Variants in GRID1 observed in about 807,000 individuals in gnomAD.
GRID1 encodes the protein glutamate ionotropic receptor delta type subunit 1.
In GRID1, 28 loss-of-function variants were observed where a neutral mutation model predicts 98.0. That is an observed-to-expected ratio of 0.29 (90% CI 0.21 to 0.39). The LOEUF is 0.39. GRID1 is among the 10% of genes least tolerant of loss of function. GRID1 has a pLI of 1.00. For missense variants in GRID1, 1,111 were observed against 1,340.5 expected (o/e 0.83, Z 2.67); for synonymous variants, 553 against 538.5 (o/e 1.03, Z -0.37).
intron 2 of GRID1, among the ~76,000 whole-genome samples, chr10:86,284,946 T>A (rs986084086): frequency 6.6e-5 from 10 of 151,888 alleles, no homozygotes; most frequent in Non-Finnish European, 1.3e-4. Flanking sequence ...CGAGCCTCCA[T>A]GTCAAGACCT....
chr10:86,153,052 C>A (rs749272995), intron 3 of GRID1, among the ~76,000 whole-genome samples: 6 of 152,224 alleles, frequency 3.9e-5, no homozygotes, highest in South Asian at 4.1e-4. Context: ...CACCACCCCT[C>A]ATTGTGGGCC....
intron 4 of GRID1, among the ~76,000 whole-genome samples, chr10:86,053,872 TCA>T (rs943519827): frequency 3.3e-5 from 5 of 152,056 alleles, no homozygotes; most frequent in African/African-American, 7.2e-5. Flanking sequence ...AAGCACATGC[TCA>T]CACACGTGTG....
chr10:85,769,866 C>A (rs1393564325), intron 8 of GRID1, among the ~76,000 whole-genome samples: 2 of 152,238 alleles, frequency 1.3e-5, no homozygotes, highest in South Asian at 4.1e-4. Context: ...GGAGGCCTGC[C>A]TGCCTCTGTA....
chr10:86,320,219 A>G (rs1293948134), intron 2 of GRID1, among the ~76,000 whole-genome samples: 1 of 152,254 alleles, frequency 6.6e-6, no homozygotes, highest in Non-Finnish European at 1.5e-5. Flanking sequence ...TAAGCGAATG[A>G]GGATGGCAGA....
intron 12 of GRID1, among the ~76,000 whole-genome samples, chr10:85,668,563 T>C (rs1437428757): frequency 1.3e-5 from 2 of 152,128 alleles, no homozygotes; most frequent in Admixed American, 6.6e-5. Context: ...ACTGTCAGAG[T>C]GGGAGGCAAG....
rs1482289792 is a variant in GRID1, at chr10:86,206,914, T to G, written c.236-266A>C. ...TCAAAACGGGCAAAACCATTTGCCC[T>G]AGGCTAGTCAGGGAAGGATGGTAGA... On this transcript the variant is annotated intron_variant, in intron 2 of 15. Transcript: ENST00000327946. The surrounding 1 kb of genome is among the most constrained non-coding windows in gnomAD (Gnocchi z 4.1). 6.6e-6 allele frequency among the ~76,000 whole-genome samples: 1 copy of G among 152,210 alleles called. No homozygotes were observed. The highest frequency in any genetic ancestry group is 2.4e-5 in the African/African-American group (1 of 41,450).
At chr10:86,217,926 C>T (rs56935773) in intron 2 of GRID1, among the ~76,000 whole-genome samples, 2,417 of 152,216 alleles carry the variant, frequency 0.016, 60 homozygotes, top group African/African-American at 0.051. Context: ...CCCGGGCCAC[C>T]GGGCCTGATC....
chr10:85,631,985 G>GCACACACACA (rs10634848), intron 13 of GRID1, among the ~76,000 whole-genome samples: 87 of 147,840 alleles, frequency 5.9e-4, no homozygotes, highest in African/African-American at 2.1e-3. Flanking sequence ...AAACACATAT[G>GCACACACACA]CACACACACA....
chr10:86,118,752 A>AC (rs1212317079), intron 4 of GRID1, among the ~76,000 whole-genome samples: 1 of 152,136 alleles, frequency 6.6e-6, no homozygotes, highest in African/African-American at 2.4e-5. Flanking sequence ...AATAGTAAGT[A>AC]CCCTTGACAT....
chr10:85,682,179 A>G (rs1682217859), intron 12 of GRID1, among the ~76,000 whole-genome samples: 2 of 152,336 alleles, frequency 1.3e-5, no homozygotes, highest in Admixed American at 1.3e-4. Flanking sequence ...GTATAGAGAT[A>G]AGTCCCAAGA....
At chr10:85,810,709 C>A (rs145089450) in intron 8 of GRID1, among the ~76,000 whole-genome samples, 1 of 152,292 alleles carries the variant, frequency 6.6e-6, no homozygotes, top group African/African-American at 2.4e-5. Flanking sequence ...TCATCATATT[C>A]CCCATCAGAA....
chr10:85,940,682 G>T (rs144626569), intron 4 of GRID1, among the ~76,000 whole-genome samples: 1 of 152,354 alleles, frequency 6.6e-6, no homozygotes, highest in African/African-American at 2.4e-5. Flanking sequence ...TTTAAAGGGT[G>T]CAGGGAGAAC....
chr10:86,289,985 C>T (rs1847489822), intron 2 of GRID1, among the ~76,000 whole-genome samples: 1 of 152,178 alleles, frequency 6.6e-6, no homozygotes, highest in Non-Finnish European at 1.5e-5. Flanking sequence ...AGAAACAAGA[C>T]ACCGCGAGGG....
At position 85,854,634 on chromosome 10, in the gene GRID1, A is replaced by C. The variant is rs760731340; in HGVS notation, c.1114-19T>G. The C allele has an allele frequency of 3.1e-6, 5 of 1,613,768 alleles. No homozygotes were observed. The highest frequency in any genetic ancestry group is 4.2e-6 in the Non-Finnish European group (5 of 1,179,782). ...TGTGGCCCTGCAGAAGAGGAGAAAAACCCATTGGAAAATCTGGTTAAGGTA... is the reference window on the plus strand; with the variant it reads ...TGTGGCCCTGCAGAAGAGGAGAAAACCCCATTGGAAAATCTGGTTAAGGTA... On this transcript the variant is annotated intron_variant, in intron 7 of 15. Coordinates refer to ENST00000327946, the MANE Select transcript of GRID1 (RefSeq NM_017551.3).
At position 85,785,188 on chromosome 10, in the gene GRID1, C is replaced by T. The variant is rs560058209; in HGVS notation, c.1234-55574G>A. On this transcript the variant is annotated intron_variant, in intron 8 of 15. Coordinates refer to ENST00000327946, the MANE Select transcript of GRID1 (RefSeq NM_017551.3). Reference sequence around the variant, plus strand: ...TACACGAATGAGAAATAAACTGGAACGGGATGGAAATGCTTTTAAACTTAC... The same window carrying T: ...TACACGAATGAGAAATAAACTGGAATGGGATGGAAATGCTTTTAAACTTAC... 4.6e-5 allele frequency among the ~76,000 whole-genome samples: 7 copies of T among 152,232 alleles called. No individual in the cohort carries two copies. In the South Asian group the frequency reaches 6.2e-4, roughly 14 times the overall value.
At position 85,882,215 on chromosome 10, in the gene GRID1, C is replaced by A. The variant is rs189866245; in HGVS notation, c.781-13035G>T. 7.2e-5 allele frequency among the ~76,000 whole-genome samples: 11 copies of A among 152,246 alleles called. No homozygotes were observed. The South Asian group carries it at 2.3e-3, about 32-fold the overall frequency. ...TCAACCATTGTGGAAGTCAGTGTGG[C>A]GATTCCTCAGGGATCTAGATCTAGA... On this transcript the variant is annotated intron_variant, in intron 5 of 15. Coordinates refer to ENST00000327946, the MANE Select transcript of GRID1 (RefSeq NM_017551.3).
In GRID1 at chr10:85,602,400, T is replaced by C; in HGVS notation, c.2903A>G (p.His968Arg). The change falls in exon 16 of 16, where the codon CAC (histidine) becomes CGC (arginine). Residue 968 changes from histidine (H) to arginine (R), a missense_variant. Transcript: ENST00000327946. ...GAACAGCCCCCCGTTGGGTGACCTG[T>C]GTTTGCACTGCATGGAGGGCATGGT... ...SATMPSMQCK[H>R]RSPNGGLFRQ... 4 of 1,613,776 alleles carry C rather than the reference T, an allele frequency of 2.5e-6. No homozygotes were observed. The highest frequency in any genetic ancestry group is 3.4e-6 in the Non-Finnish European group (4 of 1,179,796).
chr10:85,767,153 C>T (rs967660891), intron 8 of GRID1, among the ~76,000 whole-genome samples: 1 of 152,208 alleles, frequency 6.6e-6, no homozygotes, highest in Admixed American at 6.5e-5. Context: ...CACTCAGGCA[C>T]AGCTATTTGT....
chr10:85,686,557 T>C (rs1358276309), intron 12 of GRID1, among the ~76,000 whole-genome samples: 3 of 152,172 alleles, frequency 2.0e-5, no homozygotes, highest in Middle Eastern at 3.2e-3. Flanking sequence ...ATGTTGATTT[T>C]AAAAGGCAAT....
Sources: gnomAD v4.1 joint callset for allele counts (sites outside exome capture counted in the v4.1 genomes callset) on GRCh38, gnomAD v4.1.1 for gene constraint, Gnocchi (gnomAD v3.1) non-coding constraint, MANE v1.5 for transcripts, NCBI Gene and HGNC (gene_info 2026-07-23, HGNC 2026-07-21) for gene names.